The following MAN1A1 variants were observed in gnomAD, a reference collection of about 807,000 sequenced individuals.
MAN1A1 encodes the protein mannosidase alpha class 1A member 1.
Under a neutral mutation model 70.8 loss-of-function variants are expected in MAN1A1, and 29 were observed. The observed-to-expected ratio is 0.41, with a 90% confidence interval of 0.31 to 0.56. MAN1A1 has a LOEUF of 0.56. Among genes scored for constraint, MAN1A1 ranks in the 20% least tolerant of loss-of-function variants. The probability of loss-of-function intolerance (pLI) is 0.29; values close to 1 mark genes in which losing one functional copy is unlikely to be tolerated. For missense variants in MAN1A1, 747 were observed against 841.3 expected (o/e 0.89, Z 1.39); for synonymous variants, 349 against 330.1 (o/e 1.06, Z -0.62).
At chr6:119,261,140 G>T (rs55778105) in intron 5 of MAN1A1, among the ~76,000 whole-genome samples, 1 of 151,410 alleles carries the variant, frequency 6.6e-6, no homozygotes, top group East Asian at 1.9e-4. Context: ...CACCATGCCC[G>T]GCTAATTTTT....
intron 5 of MAN1A1, among the ~76,000 whole-genome samples, chr6:119,283,868 T>C (rs2114403685): frequency 6.6e-6 from 1 of 152,248 alleles, no homozygotes; most frequent in South Asian, 2.1e-4. Flanking sequence ...GCAAGAAGAC[T>C]GTGTGGAGTG....
chr6:119,345,513 T>C (rs1009603131), intron 2 of MAN1A1, among the ~76,000 whole-genome samples: 5 of 152,198 alleles, frequency 3.3e-5, no homozygotes, highest in African/African-American at 1.2e-4. Flanking sequence ...ATCAAATCAG[T>C]AGTGGAAAGC....
Position 119,348,512 on chromosome 6 carries a change from C to T in MAN1A1, c.554G>A (p.Arg185Gln). 3.1e-6 allele frequency: 5 copies of T among 1,610,900 alleles called. No individual in the cohort carries two copies. The highest frequency in any genetic ancestry group is 4.2e-6 in the Non-Finnish European group (5 of 1,178,484). The change falls in exon 2 of 13, where the codon CGG becomes CAG. Residue 185 changes from arginine to glutamine, a missense_variant. Around this residue, in one of 2 missense-constraint regions of MAN1A1, gnomAD observed 328 missense variants for 293.1 expected, o/e 1.12. Coordinates refer to ENST00000368468, the MANE Select transcript of MAN1A1 (RefSeq NM_005907.4). ...GCGGATGGCGGCGTCGGCGGGCTCC[C>T]GGCTCTCCACCCCGATTGGGGGCAC... is the stretch of plus-strand genomic sequence containing the variant. ...DFVPPIGVESREPADAAIREK... is the reference protein window; with the variant it reads ...DFVPPIGVESQEPADAAIREK...
At chr6:119,248,540 T>A (rs1399809814) in intron 5 of MAN1A1, among the ~76,000 whole-genome samples, 186 bp from the exon 6 acceptor site, 1 of 152,220 alleles carries the variant, frequency 6.6e-6, no homozygotes, top group Non-Finnish European at 1.5e-5. Context: ...GGGGCCATCA[T>A]ACTGGGGGAT....
At chr6:119,195,406 T>G (rs1174474730) in intron 8 of MAN1A1, among the ~76,000 whole-genome samples, 1 of 152,170 alleles carries the variant, frequency 6.6e-6, no homozygotes, top group African/African-American at 2.4e-5. Context: ...CTGCCTGAAA[T>G]GGACCCTAGG....
At chr6:119,273,282 C>A (rs184793290) in intron 5 of MAN1A1, among the ~76,000 whole-genome samples, 1 of 152,148 alleles carries the variant, frequency 6.6e-6, no homozygotes, top group Non-Finnish European at 1.5e-5. Flanking sequence ...GATCACATAC[C>A]AACCGGAAGC....
intron 3 of MAN1A1, among the ~76,000 whole-genome samples, chr6:119,302,621 C>T (rs1047966436): frequency 6.6e-6 from 1 of 151,974 alleles, no homozygotes; most frequent in Admixed American, 6.6e-5. Flanking sequence ...ACCTCATAAT[C>T]CACCCACCTA....
At chr6:119,336,984 C>T (rs1320959315) in intron 2 of MAN1A1, among the ~76,000 whole-genome samples, 1 of 151,964 alleles carries the variant, frequency 6.6e-6, no homozygotes, top group African/African-American at 2.4e-5. Context: ...TAGATATAAA[C>T]ACTTTTCAAT....
intron 6 of MAN1A1, among the ~76,000 whole-genome samples, chr6:119,211,090 C>T (rs1334480067): frequency 6.6e-6 from 1 of 152,130 alleles, no homozygotes; most frequent in South Asian, 2.1e-4. Flanking sequence ...GTTAGTTTGC[C>T]AAACATCTCT....
chr6:119,305,718 T>C (rs1481087039), intron 3 of MAN1A1, among the ~76,000 whole-genome samples: 1 of 152,182 alleles, frequency 6.6e-6, no homozygotes, highest in Non-Finnish European at 1.5e-5. Flanking sequence ...TTGAACCACC[T>C]GGCGCATTGA....
intron 7 of MAN1A1, among the ~76,000 whole-genome samples, chr6:119,203,932 T>C (rs567112750): frequency 6.6e-6 from 1 of 151,676 alleles, no homozygotes; most frequent in Non-Finnish European, 1.5e-5. Context: ...GATGCAACAA[T>C]GTAGGGAGTG....
In MAN1A1 at chr6:119,180,346, C is replaced by A. The variant is rs368139927; in HGVS notation, c.1801G>T (p.Val601Leu). The A allele has an allele frequency of 1.7e-5, 27 of 1,613,642 alleles. No homozygotes were observed. Among genetic ancestry groups the A allele is most frequent in the African/African-American group, 4.0e-5 (3 of 74,884 alleles). The change falls in exon 12 of 13, where the codon GTG becomes TTG. Residue 601 changes from valine to leucine, a missense_variant. By Grantham distance (32) the Val-to-Leu change is conservative (BLOSUM62 1). Around this residue, in one of 2 missense-constraint regions of MAN1A1, gnomAD observed 419 missense variants for 548.2 expected, o/e 0.76. Coordinates refer to ENST00000368468, the MANE Select transcript of MAN1A1 (RefSeq NM_005907.4). The stretch of plus-strand genomic sequence containing the variant: ...TCTGCCAGGAAGAAACTCTGCTGCA[C>A]ATCATCATAACTCTCATGAAGAAGG... ...VYLLHESYDD[V>L]QQSFFLAETL...
chr6:119,322,465 T>G (rs1477256590), intron 2 of MAN1A1, among the ~76,000 whole-genome samples: 2 of 152,168 alleles, frequency 1.3e-5, no homozygotes, highest in Non-Finnish European at 2.9e-5. Context: ...AGGAATTGTC[T>G]TCCTAGTATG....
rs1424757714 is a variant in MAN1A1, at chr6:119,232,705, GTGTGTGTGTGTGTA to G, written c.992+15541_992+15554del. On this transcript the variant is annotated intron_variant, in intron 6 of 12. Coordinates refer to ENST00000368468, the MANE Select transcript of MAN1A1 (RefSeq NM_005907.4). ...TGTGTGTGTGTGTGTGTGTGTGTGT[GTGTGTGTGTGTGTA>G]TATTTGGAAATCCTTGTAGGCTATA... Among the ~76,000 whole-genome samples the G allele has an allele frequency of 5.4e-5, 8 of 149,108 alleles. No homozygotes were observed. In the East Asian group the frequency reaches 7.8e-4, roughly 14 times the overall value.
chr6:119,290,400 AG>A (rs1277916118), intron 5 of MAN1A1, among the ~76,000 whole-genome samples: 1 of 152,046 alleles, frequency 6.6e-6, no homozygotes, highest in Non-Finnish European at 1.5e-5. Flanking sequence ...ATTTGTCCAT[AG>A]GCACATATAA....
chr6:119,319,530 A>G (rs1331350469), intron 2 of MAN1A1, among the ~76,000 whole-genome samples: 4 of 152,076 alleles, frequency 2.6e-5, no homozygotes, highest in Non-Finnish European at 5.9e-5. Flanking sequence ...AATTTTCTTC[A>G]GCTATTTTAT....
intron 5 of MAN1A1, among the ~76,000 whole-genome samples, chr6:119,278,581 T>C (rs962950726): frequency 3.3e-5 from 5 of 152,196 alleles, no homozygotes; most frequent in South Asian, 2.1e-4. Context: ...TTACATCTTA[T>C]TATTTTTAAA....
intron 5 of MAN1A1, among the ~76,000 whole-genome samples, chr6:119,253,351 C>T (rs902128971): frequency 6.6e-6 from 1 of 152,168 alleles, no homozygotes; most frequent in African/African-American, 2.4e-5. Context: ...AACTGCAATG[C>T]CTGTAGCTGG....
At chr6:119,213,490 C>A (rs1774107325) in intron 6 of MAN1A1, among the ~76,000 whole-genome samples, 1 of 152,096 alleles carries the variant, frequency 6.6e-6, no homozygotes, top group African/African-American at 2.4e-5. Context: ...GATAGATAAT[C>A]TTTTCAACAG....
Sources: gnomAD v4.1 joint callset for allele counts (sites outside exome capture counted in the v4.1 genomes callset) on GRCh38, gnomAD v4.1.1 for gene constraint, gnomAD v4.1.1 regional missense constraint, MANE v1.5 for transcripts, NCBI Gene and HGNC (gene_info 2026-07-23, HGNC 2026-07-21) for gene names.